Variants in UXS1 observed in about 807,000 individuals in gnomAD.
UXS1 encodes UDP-glucuronate decarboxylase 1, also known as UDP-glucuronic acid decarboxylase 1.
Under a neutral mutation model 62.6 loss-of-function variants are expected in UXS1, and 33 were observed. That is an observed-to-expected ratio of 0.53 (90% CI 0.40 to 0.70). The LOEUF is 0.70. Ranked by LOEUF, UXS1 falls within the 30% of genes least tolerant of loss-of-function variation. The pLI, the probability that UXS1 is intolerant of heterozygous loss-of-function variation, is 0.00. For synonymous variants in UXS1, 213 were observed against 206.8 expected, an observed-to-expected ratio of 1.03 and a Z score of -0.26; for missense variants, 434 against 556.3, an observed-to-expected ratio of 0.78 and a Z score of 2.21.
At chr2:106,170,694 A>AC (rs1342722643) in intron 1 of UXS1, among the ~76,000 whole-genome samples, 1 of 152,140 alleles carries the variant, frequency 6.6e-6, no homozygotes. Context: ...AGCAGGACAA[A>AC]CCCCCACGTT....
At chr2:106,141,486 G>A (rs568240786) in intron 6 of UXS1, among the ~76,000 whole-genome samples, 11 of 151,954 alleles carry the variant, frequency 7.2e-5, no homozygotes, top group African/African-American at 1.2e-4. Context: ...TTTGAGACAG[G>A]GTCTTACTCT....
chr2:106,154,231 A>G (rs1489928232), intron 5 of UXS1, among the ~76,000 whole-genome samples: 1 of 152,234 alleles, frequency 6.6e-6, no homozygotes, highest in African/African-American at 2.4e-5. Flanking sequence ...TGCAATTAGG[A>G]TAAACACAAA....
At chr2:106,173,152 C>A (rs1683668340) in intron 1 of UXS1, among the ~76,000 whole-genome samples, 1 of 152,182 alleles carries the variant, frequency 6.6e-6, no homozygotes. Flanking sequence ...TTGTTCAGTG[C>A]TGTTATCTAG....
intron 13 of UXS1, chr2:106,097,193 A>G (rs966398495): frequency 6.5e-6 from 3 of 463,370 alleles, no homozygotes; most frequent in African/African-American, 6.0e-5. Context: ...GTGTGAGACC[A>G]CAAACGTGGT....
At chr2:106,157,987 T>C (rs965588546) in intron 5 of UXS1, 71 bp downstream of exon 5, 28 of 1,290,730 alleles carry the variant, frequency 2.2e-5, no homozygotes, top group Middle Eastern at 2.2e-4. Flanking sequence ...TTCTATGATA[T>C]GTGAATTATC....
Position 106,105,430 on chromosome 2 carries a change from C to A in UXS1, c.880-593G>T, listed in dbSNP as rs150746698. Among the ~76,000 whole-genome samples the A allele has an allele frequency of 1.4e-3, 216 of 152,234 alleles. 1 individual carries two copies. Among genetic ancestry groups the A allele is most frequent in the African/African-American group, 4.9e-3 (204 of 41,528 alleles). ...GTCACATTCCCCTTTGTTTCCACTG[C>A]ACATTTGCTCCACACTTCCATAGCT... On this transcript the variant is annotated intron_variant, in intron 10 of 14. Coordinates refer to ENST00000283148, the MANE Select transcript of UXS1 (RefSeq NM_001253875.2).
At chr2:106,161,961 C>A (rs1490456934) in intron 4 of UXS1, among the ~76,000 whole-genome samples, 1 of 152,200 alleles carries the variant, frequency 6.6e-6, no homozygotes, top group Non-Finnish European at 1.5e-5. Context: ...AACCTATTTC[C>A]AGTTACATTC....
chr2:106,178,055 C>T (rs1302070824), intron 1 of UXS1, among the ~76,000 whole-genome samples: 5 of 152,192 alleles, frequency 3.3e-5, no homozygotes, highest in East Asian at 1.9e-4. Context: ...CCATCGCAGG[C>T]GCTACTAAAT....
intron 6 of UXS1, chr2:106,138,181 C>A: frequency 5.1e-6 from 5 of 985,470 alleles, no homozygotes; most frequent in Non-Finnish European, 6.0e-6. Flanking sequence ...TCACACTCTT[C>A]CCTCCTCGTC....
intron 6 of UXS1, chr2:106,139,006 A>T (rs1312559493): frequency 2.7e-6 from 1 of 376,178 alleles, no homozygotes; most frequent in African/African-American, 2.2e-5. Flanking sequence ...GGTAAACAGT[A>T]AGTAACATTA....
intron 1 of UXS1, among the ~76,000 whole-genome samples, chr2:106,192,898 A>G (rs183566887): frequency 5.2e-4 from 79 of 152,350 alleles, no homozygotes; most frequent in African/African-American, 1.4e-3. Context: ...AAATGTAGGT[A>G]GTATTACTGC....
chr2:106,109,698 T>C (rs1678420726), intron 10 of UXS1, among the ~76,000 whole-genome samples: 1 of 152,232 alleles, frequency 6.6e-6, no homozygotes, highest in African/African-American at 2.4e-5. Context: ...AGCTTTGATG[T>C]ATGATGCACT....
intron 5 of UXS1, among the ~76,000 whole-genome samples, chr2:106,147,949 T>A (rs937316339): frequency 2.0e-5 from 3 of 152,224 alleles, no homozygotes; most frequent in Admixed American, 6.5e-5. Flanking sequence ...ATCAAATGGT[T>A]AAGACAGGAT....
chr2:106,168,726 ATAAT>A (rs1365574401), intron 1 of UXS1, among the ~76,000 whole-genome samples: 2 of 152,220 alleles, frequency 1.3e-5, no homozygotes, highest in Non-Finnish European at 2.9e-5. Context: ...AAAATATCCC[ATAAT>A]TAGAGAATTG....
chr2:106,181,150 A>T (rs544388437), intron 1 of UXS1, among the ~76,000 whole-genome samples: 3 of 152,084 alleles, frequency 2.0e-5, no homozygotes, highest in Non-Finnish European at 4.4e-5. Context: ...AGGTCACTGG[A>T]GTTTCATCCC....
intron 1 of UXS1, among the ~76,000 whole-genome samples, chr2:106,171,702 G>T (rs1312859670): frequency 6.6e-6 from 1 of 152,162 alleles, no homozygotes; most frequent in Non-Finnish European, 1.5e-5. Context: ...TACAAGGCTG[G>T]ATCAGGCAAA....
intron 11 of UXS1, 142 bp downstream of exon 11, chr2:106,104,651 TA>T: frequency 9.9e-7 from 1 of 1,010,130 alleles, no homozygotes; most frequent in Non-Finnish European, 1.4e-6. Context: ...TTTCCCATCA[TA>T]AAATTAAAAA....
chr2:106,178,924 T>C (rs114481979), intron 1 of UXS1, among the ~76,000 whole-genome samples: 1,676 of 152,292 alleles, frequency 0.011, 20 homozygotes, highest in Non-Finnish European at 0.018. Flanking sequence ...GTCTGATCAT[T>C]AATGGGCCTT....
intron 2 of UXS1, 53 bp from the exon 3 acceptor site, chr2:106,164,852 A>G: frequency 1.4e-6 from 2 of 1,400,280 alleles, no homozygotes; most frequent in Non-Finnish European, 1.9e-6. Context: ...CTGTTTCTGA[A>G]TAAATTACCC....
Sources: allele counts gnomAD v4.1 joint callset (sites outside exome capture counted in the v4.1 genomes callset), GRCh38; gene constraint gnomAD v4.1.1; transcripts MANE v1.5; gene names NCBI Gene and HGNC (gene_info 2026-07-23, HGNC 2026-07-21).